Variants in SPMIP2 observed in about 807,000 individuals in gnomAD.
SPMIP2 encodes the protein protein SPMIP2.
the SPMIP2 span, among the ~76,000 whole-genome samples, chr4:158,979,959 T>A: frequency 6.6e-6 from 1 of 152,080 alleles, no homozygotes. Flanking sequence ...TGGTTTGAAA[T>A]TCTTGCTGTC....
the SPMIP2 span, among the ~76,000 whole-genome samples, chr4:158,894,889 C>G: frequency 6.6e-6 from 1 of 152,078 alleles, no homozygotes; most frequent in Non-Finnish European, 1.5e-5. Context: ...GTTGATCAGC[C>G]CAGATGGTCA....
At chr4:158,991,634 G>A in the SPMIP2 span, among the ~76,000 whole-genome samples, 4 of 152,100 alleles carry the variant, frequency 2.6e-5, no homozygotes, top group African/African-American at 7.2e-5. Flanking sequence ...TGAAAACATC[G>A]TGGCTTCAAT....
At chr4:158,999,264 G>A in the SPMIP2 span, among the ~76,000 whole-genome samples, 2 of 151,928 alleles carry the variant, frequency 1.3e-5, no homozygotes. Flanking sequence ...CACTTTAAAT[G>A]TAGGCATTGA....
At chr4:158,957,964 A>G in the SPMIP2 span, among the ~76,000 whole-genome samples, 1 of 152,046 alleles carries the variant, frequency 6.6e-6, no homozygotes, top group African/African-American at 2.4e-5. Context: ...AATTTAAAAC[A>G]TTTGCTTTTG....
chr4:158,909,230 A>G, the SPMIP2 span: 1 of 152,196 alleles, frequency 6.6e-6, no homozygotes, highest in Non-Finnish European at 1.5e-5. Context: ...CACTGAGAGC[A>G]ACTGTTGGTA....
chr4:159,077,321 A>T, the SPMIP2 span, among the ~76,000 whole-genome samples: 1 of 151,216 alleles, frequency 6.6e-6, no homozygotes, highest in Non-Finnish European at 1.5e-5. Flanking sequence ...TAATTTTTGC[A>T]TTATTAGTAG....
chr4:158,949,014 T>C, the SPMIP2 span, among the ~76,000 whole-genome samples: 2 of 152,212 alleles, frequency 1.3e-5, no homozygotes, highest in Non-Finnish European at 2.9e-5. Flanking sequence ...TTAGATATTA[T>C]ACATTTTAAC....
chr4:158,907,842 C>T, the SPMIP2 span: 1 of 152,126 alleles, frequency 6.6e-6, no homozygotes, highest in East Asian at 1.9e-4. Flanking sequence ...TTGCAATATG[C>T]TTAAACTTAA....
the SPMIP2 span, among the ~76,000 whole-genome samples, chr4:158,931,822 C>T: frequency 6.6e-6 from 1 of 152,076 alleles, no homozygotes; most frequent in Non-Finnish European, 1.5e-5. Flanking sequence ...CTTGGCCTCC[C>T]AAAGTGCTGG....
chr4:158,981,500 T>C, the SPMIP2 span, among the ~76,000 whole-genome samples: 2 of 152,174 alleles, frequency 1.3e-5, no homozygotes, highest in African/African-American at 4.8e-5. Context: ...AGACTCACAG[T>C]GGATCTCTCT....
the SPMIP2 span, chr4:158,915,091 A>G: frequency 6.3e-6 from 8 of 1,260,682 alleles, no homozygotes; most frequent in Non-Finnish European, 5.5e-6. Flanking sequence ...TAGTATTACT[A>G]TGAGAAACCT....
chr4:159,022,681 C>A, the SPMIP2 span, among the ~76,000 whole-genome samples: 2 of 152,170 alleles, frequency 1.3e-5, no homozygotes, highest in South Asian at 2.1e-4. Flanking sequence ...GCCTGCAATG[C>A]CCTAGATACG....
the SPMIP2 span, among the ~76,000 whole-genome samples, chr4:159,023,917 AC>A: frequency 6.6e-6 from 1 of 152,106 alleles, no homozygotes; most frequent in South Asian, 2.1e-4. Flanking sequence ...CCTCTCCTCC[AC>A]GAGGTTTCCC....
At chr4:159,051,637 TTC>T in the SPMIP2 span, among the ~76,000 whole-genome samples, 4 of 152,234 alleles carry the variant, frequency 2.6e-5, no homozygotes, top group Non-Finnish European at 5.9e-5. Context: ...GAAATAGAAT[TTC>T]TCTCTTTCAT....
the SPMIP2 span, chr4:159,026,563 A>G: frequency 2.0e-6 from 1 of 493,554 alleles, no homozygotes; most frequent in South Asian, 1.9e-5. Flanking sequence ...AATAGCTATG[A>G]AAATCAACAA....
the SPMIP2 span, among the ~76,000 whole-genome samples, chr4:159,047,367 T>G: frequency 1.5e-5 from 2 of 135,428 alleles, no homozygotes; most frequent in African/African-American, 5.1e-5. Context: ...AAGCAAGACT[T>G]TTCTTGATTA....
the SPMIP2 span, among the ~76,000 whole-genome samples, chr4:159,059,693 G>C: frequency 6.6e-6 from 1 of 152,162 alleles, no homozygotes; most frequent in African/African-American, 2.4e-5. Flanking sequence ...TTAAAATGCA[G>C]GTGAGTTTTG....
the SPMIP2 span, among the ~76,000 whole-genome samples, chr4:159,010,625 A>C: frequency 6.6e-6 from 1 of 152,318 alleles, no homozygotes; most frequent in African/African-American, 2.4e-5. Context: ...CATCTGGCTT[A>C]AAATGTGGCA....
At chr4:158,973,265 G>A in the SPMIP2 span, 4 of 1,613,752 alleles carry the variant, frequency 2.5e-6, no homozygotes, top group Non-Finnish European at 1.7e-6. Flanking sequence ...CTACATAGGA[G>A]GTGTGCTGAT....
Sources: gnomAD v4.1 joint callset for allele counts (sites outside exome capture counted in the v4.1 genomes callset) on GRCh38, gnomAD v4.1.1 for gene constraint, MANE v1.5 for transcripts, NCBI Gene and HGNC (gene_info 2026-07-23, HGNC 2026-07-21) for gene names.